The following WNK3 variants were observed in gnomAD, a reference collection of about 807,000 sequenced individuals.
The protein encoded by WNK3 is serine/threonine-protein kinase WNK3.
In WNK3, 18 loss-of-function variants were observed where a neutral mutation model predicts 116.7. The observed-to-expected ratio is 0.15, with a 90% CI of 0.11 to 0.23. The LOEUF (loss-of-function observed/expected upper bound fraction) is 0.23. Ranked by LOEUF, WNK3 falls within the 10% of genes least tolerant of loss-of-function variation. The pLI, the probability that WNK3 is intolerant of heterozygous loss-of-function variation, is 1.00. For synonymous variants in WNK3, 404 were observed against 469.4 expected (o/e 0.86, Z 1.80); for missense variants, 993 against 1,323.8 (o/e 0.75, Z 3.88).
intron 10 of WNK3, among the ~76,000 whole-genome samples, chrX:54,262,690 A>ATTGGGAGGCTGCACT (rs1454700265): frequency 7.3e-5 from 8 of 110,332 alleles, no homozygotes; most frequent in Non-Finnish European, 9.5e-5. Flanking sequence ...AGTGGCTCAC[A>ATTGGGAGGCTGCACT]TTGGGAGGCT....
chrX:54,204,280 G>A (rs1014353888), intron 22 of WNK3, among the ~76,000 whole-genome samples: 12 of 109,952 alleles, frequency 1.1e-4, no homozygotes, highest in South Asian at 4.1e-4. Context: ...CACCACGCCC[G>A]GCTAATTTTT....
chrX:54,320,322 T>C (rs1159655432), intron 2 of WNK3, among the ~76,000 whole-genome samples: 1 of 111,667 alleles, frequency 9.0e-6, no homozygotes, highest in African/African-American at 3.2e-5. Context: ...CCTTATCAGG[T>C]ATATATCTTA....
chrX:54,357,533 GC>G (rs1362431137), intron 1 of WNK3, among the ~76,000 whole-genome samples, 152 bp downstream of exon 1: 1 of 110,009 alleles, frequency 9.1e-6, no homozygotes, highest in Non-Finnish European at 1.9e-5. Context: ...CGGTCAAGCC[GC>G]CCCCCGCTAG....
intron 5 of WNK3, among the ~76,000 whole-genome samples, chrX:54,304,442 G>A (rs1557168210): frequency 9.2e-6 from 1 of 109,152 alleles, no homozygotes; most frequent in Non-Finnish European, 1.9e-5. Context: ...CAGGGTGGCT[G>A]AGGTGAGAGG....
chrX:54,229,493 T>A (rs2067878077), intron 21 of WNK3, among the ~76,000 whole-genome samples: 1 of 110,580 alleles, frequency 9.0e-6, no homozygotes, highest in African/African-American at 3.3e-5. Context: ...AGGATTTTTT[T>A]AGATATAGTC....
chrX:54,272,032 A>G (rs2068389358), intron 10 of WNK3, among the ~76,000 whole-genome samples: 1 of 112,372 alleles, frequency 8.9e-6, no homozygotes, highest in Admixed American at 9.5e-5. Context: ...AAACACACCC[A>G]CTGTTTAAAC....
chrX:54,216,142 G>A (rs1258979165), intron 22 of WNK3, among the ~76,000 whole-genome samples: 1 of 109,776 alleles, frequency 9.1e-6, no homozygotes, highest in East Asian at 2.8e-4. Context: ...CAAACACTGC[G>A]GAAGGTGGAA....
intron 22 of WNK3, among the ~76,000 whole-genome samples, chrX:54,208,268 G>A (rs1603371605): frequency 2.7e-5 from 3 of 110,408 alleles, no homozygotes; most frequent in East Asian, 5.7e-4. Context: ...GGGACTACAG[G>A]TGCCCGCCAC....
intron 2 of WNK3, among the ~76,000 whole-genome samples, chrX:54,321,675 C>G (rs1414281483): frequency 9.0e-6 from 1 of 111,071 alleles, no homozygotes; most frequent in Non-Finnish European, 1.9e-5. Context: ...AAGAAAAGTG[C>G]TTGGCTGAGC....
intron 17 of WNK3, among the ~76,000 whole-genome samples, chrX:54,247,943 T>C (rs1440095863): frequency 8.9e-6 from 1 of 111,801 alleles, no homozygotes; most frequent in East Asian, 2.8e-4. Flanking sequence ...CTACATTATA[T>C]AACTCATAAA....
chrX:54,273,234 G>A (rs1455794367), intron 10 of WNK3, among the ~76,000 whole-genome samples: 11 of 112,160 alleles, frequency 9.8e-5, no homozygotes, highest in African/African-American at 3.6e-4. Context: ...TGGTAACAAC[G>A]AACGTATACA....
At chrX:54,258,115 TA>T (rs1395522727) in intron 11 of WNK3, among the ~76,000 whole-genome samples, 8 of 106,971 alleles carry the variant, frequency 7.5e-5, no homozygotes, top group Non-Finnish European at 1.5e-4. Context: ...CTGTCTCTAC[TA>T]AAAATACAAA....
intron 22 of WNK3, among the ~76,000 whole-genome samples, chrX:54,211,661 G>A (rs782225976): frequency 6.4e-5 from 7 of 109,508 alleles, no homozygotes; most frequent in East Asian, 5.8e-4. Context: ...AAAATTAGCC[G>A]GGCGTGGTGG....
intron 17 of WNK3, 70 bp from the exon 18 acceptor site, chrX:54,239,169 C>G: frequency 1.4e-6 from 1 of 705,085 alleles, no homozygotes; most frequent in Non-Finnish European, 1.9e-6. Flanking sequence ...CGAGAAAAAC[C>G]AAAGTGGTAA....
intron 22 of WNK3, among the ~76,000 whole-genome samples, chrX:54,221,301 T>C (rs944013295): frequency 4.5e-5 from 5 of 111,829 alleles, no homozygotes; most frequent in Admixed American, 1.9e-4. Context: ...CATAGGTAAA[T>C]ATAATATTCA....
At chrX:54,285,943 T>C (rs1328731254) in intron 10 of WNK3, among the ~76,000 whole-genome samples, 1 of 111,833 alleles carries the variant, frequency 8.9e-6, no homozygotes, top group African/African-American at 3.2e-5. Context: ...TAAAATGGAT[T>C]AATAAAGGGA....
At chrX:54,283,638 A>G (rs2068544076) in intron 10 of WNK3, among the ~76,000 whole-genome samples, 1 of 108,783 alleles carries the variant, frequency 9.2e-6, no homozygotes, top group South Asian at 4.0e-4. Context: ...GCGTGGTGGC[A>G]GGCGCCTGTA....
intron 10 of WNK3, among the ~76,000 whole-genome samples, chrX:54,280,124 C>T (rs1557161986): frequency 9.0e-6 from 1 of 111,546 alleles, no homozygotes; most frequent in Non-Finnish European, 1.9e-5. Context: ...TGGTGAAACC[C>T]TGTCTCTCCT....
chrX:54,352,599 C>T (rs2147348750), intron 1 of WNK3, among the ~76,000 whole-genome samples: 1 of 111,427 alleles, frequency 9.0e-6, no homozygotes, highest in Non-Finnish European at 1.9e-5. Context: ...AAGATTGCCT[C>T]AGCCTGGGTG....
Sources: gnomAD v4.1 joint callset for allele counts (sites outside exome capture counted in the v4.1 genomes callset) on GRCh38, gnomAD v4.1.1 for gene constraint, MANE v1.5 for transcripts, NCBI Gene and HGNC (gene_info 2026-07-23, HGNC 2026-07-21) for gene names.